AGBL1: variants seen among roughly 807,000 people sequenced by gnomAD.
AGBL1 encodes cytosolic carboxypeptidase 4.
Under a neutral mutation model 118.9 loss-of-function variants are expected in AGBL1, and 130 were observed. The ratio of observed to expected loss-of-function variants is 1.09; its 90% CI spans 0.95 to 1.26. AGBL1 has a LOEUF of 1.26. AGBL1 is among the 50% of genes most tolerant of loss of function. The pLI, the probability that AGBL1 is intolerant of heterozygous loss-of-function variation, is 0.00. For synonymous variants in AGBL1, 555 were observed against 478.9 expected, an observed-to-expected ratio of 1.16 and a Z score of -2.08; for missense variants, 1,584 against 1,298.1, an observed-to-expected ratio of 1.22 and a Z score of -3.38.
At chr15:86,421,230 A>G (rs1418350017) in intron 18 of AGBL1, among the ~76,000 whole-genome samples, 2 of 152,208 alleles carry the variant, frequency 1.3e-5, no homozygotes, top group Admixed American at 6.5e-5. Context: ...CGGGTTACCC[A>G]TAAAGGGAAA....
chr15:86,804,851 C>T (rs545361615), intron 22 of AGBL1, among the ~76,000 whole-genome samples: 1 of 152,192 alleles, frequency 6.6e-6, no homozygotes, highest in East Asian at 1.9e-4. Flanking sequence ...AATTATTTTC[C>T]AAACTCACTT....
intron 24 of AGBL1, among the ~76,000 whole-genome samples, chr15:87,012,889 C>G (rs1024099811): frequency 2.6e-5 from 4 of 152,076 alleles, no homozygotes. Context: ...CTTTCCAGCT[C>G]TGCACTTTGA....
chr15:86,197,316 TC>T (rs1174998747), intron 5 of AGBL1, among the ~76,000 whole-genome samples: 2 of 152,142 alleles, frequency 1.3e-5, no homozygotes, highest in Non-Finnish European at 2.9e-5. Flanking sequence ...AGAGAAAGCC[TC>T]CACCTGCTTA....
In AGBL1 at chr15:86,261,827, T is replaced by C. The variant is rs115143913; in HGVS notation, c.970-951T>C. On this transcript the variant is annotated intron_variant, in intron 9 of 22. Coordinates refer to ENST00000614907, the MANE Select transcript of AGBL1 (RefSeq NM_001386094.1). ...CAATAAAGTGCCTGGGATTATTCAG[T>C]CCAATAAATAAAAGACTCACGGTGC... 9.8e-3 allele frequency among the ~76,000 whole-genome samples: 1,491 copies of C among 152,168 alleles called. 26 individuals are homozygous for C. Among genetic ancestry groups the C allele is most frequent in the African/African-American group, 0.033 (1,362 of 41,528 alleles).
At chr15:86,875,586 A>T (rs1298730598) in intron 22 of AGBL1, among the ~76,000 whole-genome samples, 1 of 152,208 alleles carries the variant, frequency 6.6e-6, no homozygotes, top group Admixed American at 6.5e-5. Flanking sequence ...TAAAGATACA[A>T]TGTTAGCACA....
At chr15:86,741,670 G>T (rs2077682120) in intron 22 of AGBL1, among the ~76,000 whole-genome samples, 1 of 151,920 alleles carries the variant, frequency 6.6e-6, no homozygotes, top group East Asian at 1.9e-4. Context: ...TTGACCTTCA[G>T]GAAAAGAATT....
intron 22 of AGBL1, among the ~76,000 whole-genome samples, chr15:86,834,211 G>A (rs1442621999): frequency 6.6e-6 from 1 of 152,118 alleles, no homozygotes; most frequent in Non-Finnish European, 1.5e-5. Context: ...AGTGTTTGCA[G>A]CAACCACGGT....
chr15:86,865,873 A>G (rs934018175), intron 22 of AGBL1, among the ~76,000 whole-genome samples: 9 of 152,202 alleles, frequency 5.9e-5, no homozygotes, highest in Admixed American at 1.3e-4. Context: ...CTGTGCTTCA[A>G]TCCTTCACAG....
rs1169166866 is a variant in AGBL1, at chr15:86,257,887, T to C, written c.902-77T>C. ...TGAGAGAGGAAGAAGAAAGAACCAC[T>C]GTATGGTGAAAATCTAAATCCTAAA... is the stretch of plus-strand genomic sequence containing the variant. On this transcript the variant is annotated intron_variant, in intron 8 of 22. Coordinates refer to ENST00000614907, the MANE Select transcript of AGBL1 (RefSeq NM_001386094.1). 1.3e-5 allele frequency: 18 copies of C among 1,418,770 alleles called. No homozygotes were observed. In the East Asian group the frequency reaches 3.4e-4, roughly 27 times the overall value. The allele number at this position is 1,418,770 out of a possible 1,614,324, so 87.9% of individuals were successfully genotyped here. A position where few individuals can be genotyped will look rare whatever the true frequency, so the allele number is the denominator to read the frequency against.
intron 23 of AGBL1, among the ~76,000 whole-genome samples, chr15:86,928,520 T>C (rs2080571018): frequency 6.6e-6 from 1 of 152,220 alleles, no homozygotes; most frequent in African/African-American, 2.4e-5. Flanking sequence ...AGTCTAGGGC[T>C]GGTTTGCTCT....
chr15:86,435,837 T>C (rs2081994371), intron 18 of AGBL1, among the ~76,000 whole-genome samples: 1 of 152,200 alleles, frequency 6.6e-6, no homozygotes, highest in Non-Finnish European at 1.5e-5. Flanking sequence ...ACACTGTTCC[T>C]AGTATATAAT....
chr15:86,232,085 A>G (rs1372440356), intron 6 of AGBL1, among the ~76,000 whole-genome samples: 1 of 152,236 alleles, frequency 6.6e-6, no homozygotes, highest in Admixed American at 6.5e-5. Context: ...AGGAAGAATT[A>G]CAGACTCCTC....
intron 17 of AGBL1, among the ~76,000 whole-genome samples, chr15:86,362,995 G>A (rs979101776): frequency 5.3e-5 from 8 of 152,276 alleles, no homozygotes; most frequent in African/African-American, 1.7e-4. Context: ...GAGTTTCTTG[G>A]CACATCAGGC....
chr15:86,281,387 A>G (rs998472118), intron 16 of AGBL1, among the ~76,000 whole-genome samples: 1 of 152,174 alleles, frequency 6.6e-6, no homozygotes, highest in Non-Finnish European at 1.5e-5. Context: ...TATCTAAAAA[A>G]CAAAACCAAA....
intron 22 of AGBL1, among the ~76,000 whole-genome samples, chr15:86,799,835 T>G (rs1409368706): frequency 1.3e-5 from 2 of 152,182 alleles, no homozygotes; most frequent in East Asian, 3.9e-4. Flanking sequence ...TACTGCTTAA[T>G]AATACTTGAA....
chr15:86,225,421 A>G (rs1018340355), intron 6 of AGBL1, among the ~76,000 whole-genome samples: 2 of 152,186 alleles, frequency 1.3e-5, no homozygotes, highest in Non-Finnish European at 2.9e-5. Context: ...TCATGAGTCT[A>G]TATTCTTGGG....
intron 22 of AGBL1, among the ~76,000 whole-genome samples, chr15:86,797,290 G>C (rs868212710): frequency 6.6e-6 from 1 of 152,130 alleles, no homozygotes; most frequent in South Asian, 2.1e-4. Context: ...CACTATCCCT[G>C]GGCTGTTCCA....
chr15:86,637,962 C>T (rs1325704341), intron 21 of AGBL1, among the ~76,000 whole-genome samples: 6 of 152,138 alleles, frequency 3.9e-5, no homozygotes, highest in African/African-American at 1.4e-4. Context: ...GTTTCTCTAT[C>T]CTTCTGCCCC....
chr15:86,634,595 T>G (rs1316232140), intron 21 of AGBL1, among the ~76,000 whole-genome samples: 1 of 152,192 alleles, frequency 6.6e-6, no homozygotes, highest in East Asian at 1.9e-4. Context: ...GTGGAGTTTC[T>G]TTTTGAGGTG....
Sources: allele counts gnomAD v4.1 joint callset (sites outside exome capture counted in the v4.1 genomes callset), GRCh38; gene constraint gnomAD v4.1.1; transcripts MANE v1.5; gene names NCBI Gene and HGNC (gene_info 2026-07-23, HGNC 2026-07-21).